SLC35F4: variants seen among roughly 807,000 people sequenced by gnomAD.
SLC35F4 encodes the protein solute carrier family 35 member F4, also known as chromosome 14 open reading frame 36.
Under a neutral mutation model 44.2 loss-of-function variants are expected in SLC35F4, and 24 were observed. The ratio of observed to expected loss-of-function variants is 0.54; its 90% confidence interval spans 0.39 to 0.76. The LOEUF (loss-of-function observed/expected upper bound fraction) is 0.76. Among genes scored for constraint, SLC35F4 ranks in the 30% least tolerant of loss-of-function variants. The pLI, the probability that SLC35F4 is intolerant of heterozygous loss-of-function variation, is 0.00. For synonymous variants in SLC35F4, 238 were observed against 223.6 expected (o/e 1.06, Z -0.57); for missense variants, 562 against 586.1 (o/e 0.96, Z 0.42).
At chr14:57,620,349 A>C (rs1399790016) in intron 1 of SLC35F4, among the ~76,000 whole-genome samples, 3 of 152,242 alleles carry the variant, frequency 2.0e-5, no homozygotes, top group African/African-American at 7.2e-5. Context: ...CTCTCGGCAG[A>C]AACACTACAA....
At chr14:57,667,733 A>T (rs543968317) in intron 1 of SLC35F4, among the ~76,000 whole-genome samples, 1 of 151,732 alleles carries the variant, frequency 6.6e-6, no homozygotes, top group East Asian at 1.9e-4. Context: ...CCAGTCTATC[A>T]TTGTTGGACA....
At chr14:57,974,704 A>G (rs1881161741), downstream of SLC35F4, among the ~76,000 whole-genome samples, 1 of 152,192 alleles carries the variant, frequency 6.6e-6, no homozygotes, top group Admixed American at 6.5e-5. Flanking sequence ...TGATGGTGAT[A>G]CCTTTAAGAA....
downstream of SLC35F4, among the ~76,000 whole-genome samples, chr14:57,976,478 C>T (rs578216399): frequency 7.7e-4 from 117 of 152,306 alleles, 1 homozygote; most frequent in African/African-American, 2.6e-3. Context: ...GAAACTGTTC[C>T]CACACCTAGC....
In SLC35F4 at chr14:57,683,294, T is replaced by C. The variant is rs574124843; in HGVS notation, c.104-89170A>G. On this transcript the variant is annotated intron_variant, in intron 1 of 7. Coordinates refer to ENST00000556826, the MANE Select transcript of SLC35F4 (RefSeq NM_001306087.2). Reference sequence around the variant, plus strand: ...TACTTTTTTCCTTTAATAAACAAGATAGAACAAAAATAAAATTATTTCAGC... The same window carrying C: ...TACTTTTTTCCTTTAATAAACAAGACAGAACAAAAATAAAATTATTTCAGC... Among the ~76,000 whole-genome samples, 6 of 152,264 alleles carry C rather than the reference T, an allele frequency of 3.9e-5. 1 individual carries two copies. The highest frequency in any genetic ancestry group is 2.1e-4 in the South Asian group (1 of 4,820).
At chr14:57,726,723 G>C (rs1405583096) in intron 1 of SLC35F4, among the ~76,000 whole-genome samples, 10 of 152,100 alleles carry the variant, frequency 6.6e-5, no homozygotes, top group Admixed American at 6.6e-4. Flanking sequence ...TTGACAAGGG[G>C]TGGACCTGTG....
At chr14:57,606,614 A>G (rs539864245) in intron 1 of SLC35F4, among the ~76,000 whole-genome samples, 3 of 152,230 alleles carry the variant, frequency 2.0e-5, no homozygotes, top group Admixed American at 1.3e-4. Flanking sequence ...ACAAGTGTAT[A>G]CAAAGAGTAC....
chr14:57,624,414 A>C (rs1594622992), intron 1 of SLC35F4, among the ~76,000 whole-genome samples: 1 of 152,188 alleles, frequency 6.6e-6, no homozygotes, highest in Non-Finnish European at 1.5e-5. Flanking sequence ...TATTCCAAAC[A>C]ATAGAAAAAG....
intron 1 of SLC35F4, among the ~76,000 whole-genome samples, chr14:57,763,325 A>C (rs1442650744): frequency 2.0e-5 from 3 of 152,190 alleles, no homozygotes. Flanking sequence ...TATAAAGATA[A>C]AGAAATTTGT....
chr14:57,688,750 T>C (rs1472880260), intron 1 of SLC35F4, among the ~76,000 whole-genome samples: 4 of 152,194 alleles, frequency 2.6e-5, no homozygotes. Context: ...TTCTTCCTAC[T>C]GGCTCATACT....
In SLC35F4 at chr14:57,665,637, C is replaced by A. The variant is rs2074282658; in HGVS notation, c.104-71513G>T. The stretch of plus-strand genomic sequence containing the variant: ...AGCAATCCCATTACTGGGTATATAC[C>A]CAAAGGAATATAAATCATTCTATCA... On this transcript the variant is annotated intron_variant, in intron 1 of 7. Coordinates refer to ENST00000556826, the MANE Select transcript of SLC35F4 (RefSeq NM_001306087.2). Among the ~76,000 whole-genome samples, 6 of 152,096 alleles carry A rather than the reference C, an allele frequency of 3.9e-5. No individual in the cohort carries two copies. In the South Asian group the frequency reaches 1.0e-3, roughly 26 times the overall value.
intron 1 of SLC35F4, among the ~76,000 whole-genome samples, chr14:57,672,446 C>T (rs566327315): frequency 8.5e-5 from 13 of 152,212 alleles, no homozygotes; most frequent in African/African-American, 2.7e-4. Flanking sequence ...TGATGACATA[C>T]ATCTTTCTAA....
intron 1 of SLC35F4, among the ~76,000 whole-genome samples, chr14:57,789,305 A>G (rs2077851109): frequency 6.6e-6 from 1 of 152,206 alleles, no homozygotes; most frequent in South Asian, 2.1e-4. Flanking sequence ...AAAAAATGAT[A>G]AAGGGGAGAT....
Position 57,833,955 on chromosome 14 carries a change from C to T in SLC35F4, c.103+31768G>A, listed in dbSNP as rs566683979. ...ATTTTACCATAGGAATCTTTTTGTT[C>T]CCTCTCTTCACATGTTAAAATAAAT... On this transcript the variant is annotated intron_variant, in intron 1 of 7. Coordinates refer to ENST00000556826, the MANE Select transcript of SLC35F4 (RefSeq NM_001306087.2). 2.6e-5 allele frequency among the ~76,000 whole-genome samples: 4 copies of T among 151,982 alleles called. No homozygotes were observed. The South Asian group carries it at 8.3e-4, about 32-fold the overall frequency.
At chr14:57,743,683 C>A (rs1210821283) in intron 1 of SLC35F4, among the ~76,000 whole-genome samples, 2 of 152,128 alleles carry the variant, frequency 1.3e-5, no homozygotes, top group African/African-American at 4.8e-5. Context: ...TGAAACTATT[C>A]CAATCAATAG....
In SLC35F4 at chr14:57,879,963, G is replaced by A. The variant is rs185981881; in HGVS notation, n.282+101950C>T. ...GGTGGGGAGGGATTAAAGAAGGAAG[G>A]AAGGACGGAAGAATGGAGGGAAGGA... On this transcript the variant is annotated intron_variant and non_coding_transcript_variant, in intron 1 of 1. Transcript: ENST00000556568. Among the ~76,000 whole-genome samples the A allele has an allele frequency of 1.2e-4, 18 of 151,326 alleles. No individual in the cohort carries two copies. In the East Asian group the frequency reaches 3.5e-3, roughly 29 times the overall value.
chr14:57,709,878 T>G (rs1092053), intron 1 of SLC35F4, among the ~76,000 whole-genome samples: 1 of 152,180 alleles, frequency 6.6e-6, no homozygotes, highest in African/African-American at 2.4e-5. Context: ...ACTTATGTTT[T>G]AAAGGGAAGC....
chr14:57,779,826 CA>C (rs1225669011), intron 1 of SLC35F4, among the ~76,000 whole-genome samples: 1 of 152,086 alleles, frequency 6.6e-6, no homozygotes, highest in African/African-American at 2.4e-5. Flanking sequence ...GAACTAAAGA[CA>C]AAAACCACAA....
chr14:57,871,934 T>C (rs1052307321), intron 1 of SLC35F4, among the ~76,000 whole-genome samples: 18 of 152,238 alleles, frequency 1.2e-4, no homozygotes, highest in African/African-American at 4.3e-4. Context: ...TCTATTCTCT[T>C]CGTCCTTTGT....
intron 1 of SLC35F4, among the ~76,000 whole-genome samples, chr14:57,741,708 C>A (rs1049168371): frequency 6.6e-6 from 1 of 152,052 alleles, no homozygotes; most frequent in African/African-American, 2.4e-5. Context: ...CAAGGAAGGC[C>A]AACATTCAAA....
Sources: allele counts gnomAD v4.1 joint callset (sites outside exome capture counted in the v4.1 genomes callset), GRCh38; gene constraint gnomAD v4.1.1; transcripts MANE v1.5; gene names NCBI Gene and HGNC (gene_info 2026-07-23, HGNC 2026-07-21).